Variants in ANK2 observed in about 807,000 individuals in gnomAD.
ANK2 encodes ankyrin-2.
In ANK2, 83 loss-of-function variants were observed where a neutral mutation model predicts 360.5. The observed-to-expected ratio is 0.23, with a 90% CI of 0.19 to 0.28. The LOEUF is 0.28. Ranked by LOEUF, ANK2 falls within the 10% of genes least tolerant of loss-of-function variation. The pLI, the probability that ANK2 is intolerant of heterozygous loss-of-function variation, is 1.00. For missense variants in ANK2, 4,201 were observed against 4,795.7 expected (o/e 0.88, Z 3.66); for synonymous variants, 1,740 against 1,759.5 (o/e 0.99, Z 0.28).
At chr4:113,249,959 T>A in intron 10 of ANK2, 97 bp downstream of exon 10, 1 of 1,085,832 alleles carries the variant, frequency 9.2e-7, no homozygotes, top group South Asian at 1.4e-5. Flanking sequence ...AGGCAAGCAT[T>A]TTCTAGTTCT....
intron 2 of ANK2, among the ~76,000 whole-genome samples, chr4:112,955,233 A>G (rs150682841): frequency 0.012 from 1,895 of 152,286 alleles, 37 homozygotes; most frequent in African/African-American, 0.042. Flanking sequence ...AAAAAGGTCA[A>G]TTATTACTTT....
At chr4:112,799,189 G>A in the ANK2 span, among the ~76,000 whole-genome samples, 85,245 of 152,048 alleles carry the variant, frequency 0.56, 24,706 homozygotes, top group East Asian at 0.88. Context: ...TTGTATGTAT[G>A]TACCATATTT....
At chr4:112,708,867 A>G in the ANK2 span, among the ~76,000 whole-genome samples, 1 of 152,092 alleles carries the variant, frequency 6.6e-6, no homozygotes, top group Non-Finnish European at 1.5e-5. Context: ...TAATTATTTC[A>G]TATATTATTA....
intron 2 of ANK2, among the ~76,000 whole-genome samples, chr4:113,183,342 A>G (rs2098453738): frequency 6.6e-6 from 1 of 152,106 alleles, no homozygotes; most frequent in Non-Finnish European, 1.5e-5. Flanking sequence ...CTTGAGCATC[A>G]TGATCAGGAA....
chr4:112,902,811 G>A (rs2083868429), intron 1 of ANK2, among the ~76,000 whole-genome samples: 1 of 152,142 alleles, frequency 6.6e-6, no homozygotes, highest in Admixed American at 6.5e-5. Flanking sequence ...TCCTATTAAG[G>A]TTTATGTGAA....
At chr4:113,088,229 C>A (rs540531768) in intron 1 of ANK2, among the ~76,000 whole-genome samples, 62 of 152,238 alleles carry the variant, frequency 4.1e-4, no homozygotes, top group Admixed American at 7.9e-4. Flanking sequence ...GAGGAGCAGG[C>A]AGTGCCCTGA....
intron 2 of ANK2, among the ~76,000 whole-genome samples, chr4:112,910,750 T>C (rs1435374938): frequency 1.3e-5 from 2 of 152,188 alleles, no homozygotes; most frequent in African/African-American, 4.8e-5. Flanking sequence ...TTTGTCTTTT[T>C]TACCTTAGAA....
At chr4:113,092,591 T>C (rs933780599) in intron 1 of ANK2, among the ~76,000 whole-genome samples, 12 of 151,926 alleles carry the variant, frequency 7.9e-5, no homozygotes, top group Non-Finnish European at 1.8e-4. Flanking sequence ...TTGAATAAGT[T>C]ACTATGTTCT....
chr4:113,122,709 G>T (rs2095437919), intron 1 of ANK2, among the ~76,000 whole-genome samples: 1 of 151,950 alleles, frequency 6.6e-6, no homozygotes, highest in African/African-American at 2.4e-5. Flanking sequence ...AAAATGTTCA[G>T]CCATATCTAT....
the ANK2 span, among the ~76,000 whole-genome samples, chr4:112,764,594 G>A: frequency 0.03 from 4,545 of 151,772 alleles, 213 homozygotes; most frequent in African/African-American, 0.1. Flanking sequence ...CCTCGGCCTC[G>A]GCCTCCCAAA....
At chr4:112,713,180 G>C in the ANK2 span, among the ~76,000 whole-genome samples, 6 of 152,150 alleles carry the variant, frequency 3.9e-5, no homozygotes, top group Non-Finnish European at 5.9e-5. Context: ...TAAGTGTCTT[G>C]CATGTGTAAA....
Position 112,900,388 on chromosome 4 carries a change from C to T in ANK2, c.-39-4067C>T, listed in dbSNP as rs1213835048. 4.6e-5 allele frequency among the ~76,000 whole-genome samples: 7 copies of T among 152,200 alleles called. No homozygotes were observed. The East Asian group carries it at 1.4e-3, about 29-fold the overall frequency. The stretch of plus-strand genomic sequence containing the variant: ...TCAATTGGTTTGTTCAGATCAGGAT[C>T]CGAACATGGTCTGTACATTGCTTTC... On this transcript the variant is annotated intron_variant, in intron 1 of 30. Coordinates refer to the ANK2 transcript ENST00000503271.
At chr4:112,816,556 C>T (rs1289200346), upstream of ANK2, among the ~76,000 whole-genome samples, 1 of 151,496 alleles carries the variant, frequency 6.6e-6, no homozygotes, top group East Asian at 1.9e-4. Flanking sequence ...GATATTATAG[C>T]CTTAATTAAC....
chr4:113,355,831 A>C lies in ANK2; in HGVS notation c.7213A>C (p.Ser2405Arg). The C allele has an allele frequency of 2.5e-6, 4 of 1,614,112 alleles. No homozygotes were observed. Among genetic ancestry groups the C allele is most frequent in the Non-Finnish European group, 2.5e-6 (3 of 1,179,966 alleles). Residue 2405 changes from serine to arginine, a missense_variant, in exon 38 of 46, where the codon AGT becomes CGT. Ser to Arg is a moderately radical substitution (Grantham distance 110). Around this residue, in one of 4 missense-constraint regions of ANK2, gnomAD observed 2,642 missense variants for 2,714.5 expected, o/e 0.97. Coordinates refer to ENST00000357077, the MANE Select transcript of ANK2 (RefSeq NM_001148.6). ...ATCAAAACCTCAGGGAGTCATTAGA[A>C]GTCCCCAAGGGTTAGAACTTGCACT... ...TESKPQGVIR[S>R]PQGLELALPS...
chr4:112,911,805 A>T (rs763304025), intron 2 of ANK2, among the ~76,000 whole-genome samples: 5 of 152,242 alleles, frequency 3.3e-5, no homozygotes, highest in Non-Finnish European at 7.3e-5. Context: ...AAATAGTTTA[A>T]GTTTTTAAAG....
At chr4:113,298,370 G>A (rs1425672297) in intron 22 of ANK2, among the ~76,000 whole-genome samples, 1 of 152,162 alleles carries the variant, frequency 6.6e-6, no homozygotes, top group African/African-American at 2.4e-5. Flanking sequence ...TTAAAAGGTG[G>A]CATCATAACC....
chr4:113,041,547 A>G (rs2062953546), intron 2 of ANK2, among the ~76,000 whole-genome samples: 1 of 152,094 alleles, frequency 6.6e-6, no homozygotes, highest in Non-Finnish European at 1.5e-5. Flanking sequence ...TGGTTGCAAA[A>G]TCTGCCCTTT....
chr4:112,917,104 A>T (rs1048264605), intron 2 of ANK2, among the ~76,000 whole-genome samples: 20 of 152,208 alleles, frequency 1.3e-4, no homozygotes, highest in African/African-American at 4.8e-4. Context: ...AAGTCATTCC[A>T]GATAGCTAGA....
At chr4:113,213,853 A>T (rs1299037099) in intron 4 of ANK2, among the ~76,000 whole-genome samples, 1 of 152,178 alleles carries the variant, frequency 6.6e-6, no homozygotes, top group Non-Finnish European at 1.5e-5. Flanking sequence ...CCTGTTTGCG[A>T]TACTATTTGA....
Sources: allele counts gnomAD v4.1 joint callset (sites outside exome capture counted in the v4.1 genomes callset), GRCh38; gene constraint gnomAD v4.1.1; regional missense constraint gnomAD v4.1.1; transcripts MANE v1.5; gene names NCBI Gene and HGNC (gene_info 2026-07-23, HGNC 2026-07-21).